The following SKAP1 variants were observed in gnomAD, a reference collection of about 807,000 sequenced individuals.
SKAP1 encodes the protein src kinase associated phosphoprotein 1.
In SKAP1, 44 loss-of-function variants were observed where a neutral mutation model predicts 58.5. That is an observed-to-expected ratio of 0.75 (90% CI 0.59 to 0.97). SKAP1 has a LOEUF of 0.97. Ranked by LOEUF, SKAP1 falls within the 50% of genes least tolerant of loss-of-function variation. SKAP1 has a pLI of 0.00. For synonymous variants in SKAP1, 127 were observed against 149.7 expected, an observed-to-expected ratio of 0.85 and a Z score of 1.11; for missense variants, 390 against 435.2, an observed-to-expected ratio of 0.90 and a Z score of 0.92.
At chr17:48,415,331 T>G (rs1049367680) in intron 1 of SKAP1, among the ~76,000 whole-genome samples, 1 of 140,734 alleles carries the variant, frequency 7.1e-6, no homozygotes, top group Non-Finnish European at 1.5e-5. Flanking sequence ...GCACCACCCT[T>G]TGGCAAAAAA....
upstream of SKAP1, among the ~76,000 whole-genome samples, chr17:48,430,829 G>A (rs533885830): frequency 6.6e-6 from 1 of 152,346 alleles, no homozygotes; most frequent in Admixed American, 6.5e-5. Flanking sequence ...GTAACACAGG[G>A]AGAAAGCTGA....
intron 11 of SKAP1, chr17:48,156,344 G>C (rs1054288760): frequency 8.4e-5 from 22 of 260,636 alleles, no homozygotes; most frequent in Non-Finnish European, 1.8e-4. Flanking sequence ...ATTCAAACTT[G>C]AATTCTGCGG....
intron 2 of SKAP1, chr17:48,382,417 A>T (rs1384837068): frequency 6.6e-6 from 1 of 152,222 alleles, no homozygotes; most frequent in African/African-American, 2.4e-5. Flanking sequence ...AGAGGAAGAG[A>T]AGAATGATTG....
intron 2 of SKAP1, among the ~76,000 whole-genome samples, chr17:48,394,688 T>C (rs1308864246): frequency 6.6e-6 from 1 of 152,204 alleles, no homozygotes; most frequent in Non-Finnish European, 1.5e-5. Flanking sequence ...AAATTTCTTT[T>C]TATGCCAAGC....
chr17:48,371,111 G>A (rs2144429360), intron 2 of SKAP1, among the ~76,000 whole-genome samples: 1 of 152,244 alleles, frequency 6.6e-6, no homozygotes, highest in South Asian at 2.1e-4. Flanking sequence ...GTGAGCAATA[G>A]ATACTAGGGA....
chr17:48,226,646 T>C (rs1355815062), intron 4 of SKAP1, among the ~76,000 whole-genome samples: 1 of 152,232 alleles, frequency 6.6e-6, no homozygotes, highest in Non-Finnish European at 1.5e-5. Context: ...CAGTCTTCAC[T>C]GGCAGATAAA....
intron 4 of SKAP1, among the ~76,000 whole-genome samples, chr17:48,271,498 A>G (rs2143985662): frequency 6.6e-6 from 1 of 150,846 alleles, no homozygotes; most frequent in Admixed American, 6.6e-5. Flanking sequence ...TCTTGAGTAG[A>G]TGGGACCACA....
intron 1 of SKAP1, among the ~76,000 whole-genome samples, chr17:48,407,974 G>A (rs1200804511): frequency 6.6e-6 from 1 of 151,978 alleles, no homozygotes; most frequent in South Asian, 2.1e-4. Context: ...ATGCAATCAA[G>A]AAGAAGGAGA....
chr17:48,312,978 T>A (rs991081987), intron 4 of SKAP1, among the ~76,000 whole-genome samples: 2 of 152,170 alleles, frequency 1.3e-5, no homozygotes, highest in African/African-American at 4.8e-5. Context: ...TTTCTTTCTG[T>A]CTACATCAGG....
Position 48,345,818 on chromosome 17 carries a change from G to C in SKAP1, c.280+87C>G, listed in dbSNP as rs963122976. On this transcript the variant is annotated intron_variant, in intron 4 of 12. Coordinates refer to ENST00000336915, the MANE Select transcript of SKAP1 (RefSeq NM_003726.4). ...ACAGAAAACCCACCAAAGGCTGCTA[G>C]ATACAAAAATGACAAAAGGCAAAGA... 4.6e-6 allele frequency: 4 copies of C among 873,018 alleles called. No homozygotes were observed. The African/African-American group carries it at 5.0e-5, about 11-fold the overall frequency. The allele number at this position is 873,018 out of a possible 1,614,324, so 54.1% of individuals were successfully genotyped here.
At chr17:48,354,685 A>G (rs2066852449) in intron 3 of SKAP1, among the ~76,000 whole-genome samples, 1 of 152,220 alleles carries the variant, frequency 6.6e-6, no homozygotes, top group Non-Finnish European at 1.5e-5. Flanking sequence ...ATACTTAGCC[A>G]TCTTCATAAA....
chr17:48,310,948 C>T (rs2066215191), intron 4 of SKAP1, among the ~76,000 whole-genome samples: 1 of 152,192 alleles, frequency 6.6e-6, no homozygotes, highest in Admixed American at 6.5e-5. Flanking sequence ...GTGTTGCCAT[C>T]TCAGTCCCAC....
intron 4 of SKAP1, among the ~76,000 whole-genome samples, chr17:48,319,379 T>C (rs1355488058): frequency 1.3e-5 from 2 of 151,948 alleles, no homozygotes; most frequent in Non-Finnish European, 2.9e-5. Flanking sequence ...GAGAACCCTG[T>C]CTCTAGTTTT....
intron 1 of SKAP1, among the ~76,000 whole-genome samples, chr17:48,421,091 T>C (rs1416837843): frequency 6.6e-6 from 1 of 152,138 alleles, no homozygotes; most frequent in Non-Finnish European, 1.5e-5. Flanking sequence ...AGGAGAGCTG[T>C]GAACTTCCAT....
chr17:48,216,868 G>T (rs1183409691), intron 4 of SKAP1, among the ~76,000 whole-genome samples: 1 of 152,142 alleles, frequency 6.6e-6, no homozygotes, highest in Admixed American at 6.6e-5. Context: ...TTCATGGACA[G>T]ATTGGCAAAT....
intron 4 of SKAP1, among the ~76,000 whole-genome samples, chr17:48,221,720 C>A (rs2065008491): frequency 6.6e-6 from 1 of 152,146 alleles, no homozygotes; most frequent in African/African-American, 2.4e-5. Flanking sequence ...ATCAGAATTG[C>A]CGAGTATCTT....
intron 6 of SKAP1, among the ~76,000 whole-genome samples, chr17:48,187,001 A>C (rs1237717816): frequency 6.6e-6 from 1 of 152,178 alleles, no homozygotes; most frequent in Non-Finnish European, 1.5e-5. Context: ...AGAAGAATTG[A>C]TGCTTTTTAA....
the SKAP1 span, among the ~76,000 whole-genome samples, chr17:48,437,624 C>T: frequency 2.6e-5 from 4 of 151,538 alleles, no homozygotes; most frequent in African/African-American, 9.7e-5. Flanking sequence ...CGCTTTTAGT[C>T]CCAGCTACTC....
chr17:48,258,467 C>A, intron 4 of SKAP1, among the ~76,000 whole-genome samples: 1 of 152,236 alleles, frequency 6.6e-6, no homozygotes. Context: ...TAAAGCATGA[C>A]TGTGCAACAA....
Sources: allele counts gnomAD v4.1 joint callset (sites outside exome capture counted in the v4.1 genomes callset), GRCh38; gene constraint gnomAD v4.1.1; transcripts MANE v1.5; gene names NCBI Gene and HGNC (gene_info 2026-07-23, HGNC 2026-07-21).